FOXK1: variants seen among roughly 807,000 people sequenced by gnomAD.
FOXK1 encodes forkhead box protein K1.
Under a neutral mutation model 51.9 loss-of-function variants are expected in FOXK1, and 19 were observed. That is an observed-to-expected ratio of 0.37 (90% CI 0.26 to 0.54). The LOEUF (loss-of-function observed/expected upper bound fraction) is 0.54, where lower values mean the gene tolerates loss of function less well. Among genes scored for constraint, FOXK1 ranks in the 20% least tolerant of loss-of-function variants. The pLI, the probability that FOXK1 is intolerant of heterozygous loss-of-function variation, is 0.87. For missense variants in FOXK1, 870 were observed against 1,032.7 expected (o/e 0.84, Z 2.16); for synonymous variants, 537 against 482.6 (o/e 1.11, Z -1.48).
At position 4,715,599 on chromosome 7, in the gene FOXK1, C is replaced by T. The variant is rs557892577; in HGVS notation, c.561-25239C>T. 6.6e-6 allele frequency among the ~76,000 whole-genome samples: 1 copy of T among 152,176 alleles called. No individual in the cohort carries two copies. The highest frequency in any genetic ancestry group is 1.5e-5 in the Non-Finnish European group (1 of 68,030). ...AATGAATAGGATATTTTGAAATGCT[C>T]TGGTGTTGTGAAATACGGAACTTGG... On this transcript the variant is annotated intron_variant, in intron 1 of 8. Transcript: ENST00000328914. The surrounding 1 kb of genome is among the most constrained non-coding windows in gnomAD (Gnocchi z 4.5).
At chr7:4,757,266 C>T (rs1780865272) in intron 5 of FOXK1, 79 bp downstream of exon 5, 1 of 1,290,792 alleles carries the variant, frequency 7.7e-7, no homozygotes, top group African/African-American at 1.5e-5. Context: ...GTGGCGCAGT[C>T]AGCCCTCCGG....
At chr7:4,754,236 C>A (rs1485083026) in intron 2 of FOXK1, among the ~76,000 whole-genome samples, 1 of 152,234 alleles carries the variant, frequency 6.6e-6, no homozygotes, top group African/African-American at 2.4e-5. Context: ...GTGCTCTCAG[C>A]CCCCGAGCAG....
At position 4,745,702 on chromosome 7, in the gene FOXK1, G is replaced by A. The variant is rs113821053; in HGVS notation, c.746+4679G>A. ...GCGGATCACCTGAGGTCAGGAGTTC[G>A]AGACCAGCCTGGTCAACATTGTGAA... On this transcript the variant is annotated intron_variant, in intron 2 of 8. Coordinates refer to ENST00000328914, the MANE Select transcript of FOXK1 (RefSeq NM_001037165.2). This position sits in a 1 kb window ranked among gnomAD's most constrained non-coding sequence, Gnocchi z 4.3. Among the ~76,000 whole-genome samples the A allele has an allele frequency of 5.3e-4, 81 of 152,086 alleles. No homozygotes were observed. The highest frequency in any genetic ancestry group is 1.9e-3 in the African/African-American group (78 of 41,460).
chr7:4,724,871 C>T (rs1029217565), intron 1 of FOXK1, among the ~76,000 whole-genome samples: 5 of 152,232 alleles, frequency 3.3e-5, no homozygotes, highest in Admixed American at 6.5e-5. Context: ...AGGGCTGTGC[C>T]GTAGGCCACA....
chr7:4,689,876 G>A (rs1186713634), intron 1 of FOXK1, among the ~76,000 whole-genome samples: 2 of 152,164 alleles, frequency 1.3e-5, no homozygotes, highest in Non-Finnish European at 2.9e-5. Flanking sequence ...AGGTGACCCA[G>A]CGCCTGGGTG....
chr7:4,749,645 G>A lies in FOXK1; in HGVS notation c.747-4814G>A, dbSNP rs1188243652. ...ATCAGGTCCCTTCTGACAGAGCACTGTCCTCCCTGGGCCTGCCGGAAGCGA... is the reference window on the plus strand; with the variant it reads ...ATCAGGTCCCTTCTGACAGAGCACTATCCTCCCTGGGCCTGCCGGAAGCGA... On this transcript the variant is annotated intron_variant, in intron 2 of 8. Transcript: ENST00000328914. The surrounding 1 kb of genome is among the most constrained non-coding windows in gnomAD (Gnocchi z 6.0). Among the ~76,000 whole-genome samples, 1 of 152,184 alleles carries A rather than the reference G, an allele frequency of 6.6e-6. No individual in the cohort carries two copies. The highest frequency in any genetic ancestry group is 1.5e-5 in the Non-Finnish European group (1 of 68,028).
At chr7:4,701,719 G>C (rs910816423) in intron 1 of FOXK1, among the ~76,000 whole-genome samples, 4 of 152,130 alleles carry the variant, frequency 2.6e-5, no homozygotes, top group South Asian at 2.1e-4. Flanking sequence ...CGGTGAAACC[G>C]TGTCTCTACT....
At chr7:4,693,612 G>A (rs1025034998) in intron 1 of FOXK1, among the ~76,000 whole-genome samples, 17 of 152,196 alleles carry the variant, frequency 1.1e-4, no homozygotes, top group African/African-American at 3.9e-4. Context: ...GGTGCCCTTG[G>A]CCTTTCAGCC....
intron 5 of FOXK1, 46 bp downstream of exon 5, chr7:4,757,233 G>A: frequency 6.5e-7 from 1 of 1,527,148 alleles, no homozygotes; most frequent in African/African-American, 1.4e-5. Flanking sequence ...GGAAAGCTGA[G>A]CTGCCCTGGA....
At position 4,759,366 on chromosome 7, in the gene FOXK1, C is replaced by A. The variant is rs1206187751; in HGVS notation, c.1467C>A (p.Ser489Arg). The change falls in exon 7 of 9, where the codon AGC becomes AGA. Residue 489 changes from serine (S) to arginine (R), a missense_variant. Transcript: ENST00000328914. ...TGGCCGTGCCTCCCCGACCGTCCAG[C>A]CTCGTGGCCAAGCCCGTGGCCTACA... ...VIMAVPPRPSSLVAKPVAYMP... is the reference protein window; with the variant it reads ...VIMAVPPRPSRLVAKPVAYMP... 2 of 1,602,450 alleles carry A rather than the reference C, an allele frequency of 1.2e-6. No individual in the cohort carries two copies. Among genetic ancestry groups the A allele is most frequent in the Admixed American group, 1.7e-5 (1 of 59,892 alleles).
At position 4,765,862 on chromosome 7, in the gene FOXK1, G is replaced by A. The variant is rs929724988; in HGVS notation, c.*3398G>A. ...CAAAGGCATCCACCGAGGCCATTTG[G>A]TGGCCCCTGGGAAGTGGGGAAGCAG... On this transcript the variant is annotated 3_prime_UTR_variant, in exon 9 of 9. Coordinates refer to ENST00000328914, the MANE Select transcript of FOXK1 (RefSeq NM_001037165.2). 6.6e-6 allele frequency: 1 copy of A among 152,260 alleles called. No individual in the cohort carries two copies. The highest frequency in any genetic ancestry group is 2.4e-5 in the African/African-American group (1 of 41,458). The allele number at this position is 152,260 out of a possible 1,614,324, so 9.4% of individuals were successfully genotyped here.
chr7:4,715,002 A>G lies in FOXK1; in HGVS notation c.561-25836A>G, dbSNP rs1780216713. ...GTTCTGCATCTTTTTCTTGGTACAG[A>G]ACAGAAGCCACACACCAGCGACAAT... On this transcript the variant is annotated intron_variant, in intron 1 of 8. Transcript: ENST00000328914. The surrounding 1 kb of genome is among the most constrained non-coding windows in gnomAD (Gnocchi z 4.5). 1.3e-5 allele frequency among the ~76,000 whole-genome samples: 2 copies of G among 152,132 alleles called. No homozygotes were observed. The highest frequency in any genetic ancestry group is 2.9e-5 in the Non-Finnish European group (2 of 68,038).
chr7:4,725,916 A>T (rs76822918), intron 1 of FOXK1, among the ~76,000 whole-genome samples: 5,917 of 152,164 alleles, frequency 0.039, 198 homozygotes, highest in Middle Eastern at 0.092. Flanking sequence ...GATTCCCCAT[A>T]TTAGGAAGGT....
intron 1 of FOXK1, among the ~76,000 whole-genome samples, chr7:4,692,520 C>T (rs544974620): frequency 1.4e-4 from 22 of 152,260 alleles, no homozygotes; most frequent in African/African-American, 5.3e-4. Context: ...CTCAGCCTCC[C>T]GAGTAGCTGG....
In FOXK1 at chr7:4,716,157, G is replaced by A. The variant is rs533203575; in HGVS notation, c.561-24681G>A. Among the ~76,000 whole-genome samples the A allele has an allele frequency of 2.0e-5, 3 of 151,854 alleles. No individual in the cohort carries two copies. In the South Asian group the frequency reaches 6.2e-4, roughly 32 times the overall value. On this transcript the variant is annotated intron_variant, in intron 1 of 8. Transcript: ENST00000328914. ...AATTGCTTGAATCCAGAAGGCAGAGGCTACAGTGAGTTGAGATTGCGCCTC... is the reference window on the plus strand; with the variant it reads ...AATTGCTTGAATCCAGAAGGCAGAGACTACAGTGAGTTGAGATTGCGCCTC...
Position 4,759,089 on chromosome 7 carries a change from C to A in FOXK1, c.1283C>A (p.Ser428Tyr). Residue 428 changes from serine (S) to tyrosine (Y), a missense_variant, in exon 6 of 9, where the codon TCC becomes TAC. By Grantham distance (144) the Ser-to-Tyr change is moderately radical. Around this residue, in one of 3 missense-constraint regions of FOXK1, gnomAD observed 457 missense variants for 510.8 expected, o/e 0.89. Transcript: ENST00000328914. ...PASPTHPGLM[S>Y]PRSGGLQTPE... Reference sequence around the variant, plus strand: ...TCGCCCACACACCCCGGGCTGATGTCCCCTCGCTCCGGCGGCCTGCAGACC... The same window carrying A: ...TCGCCCACACACCCCGGGCTGATGTACCCTCGCTCCGGCGGCCTGCAGACC... 6.2e-7 allele frequency: 1 copy of A among 1,609,970 alleles called. No individual in the cohort carries two copies. Among genetic ancestry groups the A allele is most frequent in the Non-Finnish European group, 8.5e-7 (1 of 1,179,356 alleles).
In FOXK1 at chr7:4,703,166, C is replaced by T. The variant is rs185406984; in HGVS notation, c.560+20298C>T. ...CTCTCTCAGGGGATTCCAGGGCAGG[C>T]GGCTGGGAGGGCGTTTCTGAGGAAG... On this transcript the variant is annotated intron_variant, in intron 1 of 8. Transcript: ENST00000328914. This position sits in a 1 kb window ranked among gnomAD's most constrained non-coding sequence, Gnocchi z 5.6. 6.6e-6 allele frequency among the ~76,000 whole-genome samples: 1 copy of T among 152,122 alleles called. No homozygotes were observed. Among genetic ancestry groups the T allele is most frequent in the Non-Finnish European group, 1.5e-5 (1 of 67,980 alleles).
chr7:4,756,298 A>G lies in FOXK1; in HGVS notation c.1051-696A>G, dbSNP rs1398879054. Among the ~76,000 whole-genome samples the G allele has an allele frequency of 6.6e-6, 1 of 151,960 alleles. No homozygotes were observed. Among genetic ancestry groups the G allele is most frequent in the Non-Finnish European group, 1.5e-5 (1 of 67,992 alleles). ...CCTGGCTATTTTTTGTATTTTTAGT[A>G]GAGATGGGGTTTCACCATGTTGCCC... On this transcript the variant is annotated intron_variant, in intron 4 of 8. Coordinates refer to ENST00000328914, the MANE Select transcript of FOXK1 (RefSeq NM_001037165.2). This position sits in a 1 kb window ranked among gnomAD's most constrained non-coding sequence, Gnocchi z 4.1.
At position 4,683,245 on chromosome 7, in the gene FOXK1, T is replaced by TA. The variant is rs1214739235; in HGVS notation, c.560+378dup. Among the ~76,000 whole-genome samples, 3 of 147,012 alleles carry TA rather than the reference T, an allele frequency of 2.0e-5. No individual in the cohort carries two copies. The highest frequency in any genetic ancestry group is 3.0e-5 in the Non-Finnish European group (2 of 66,818). On this transcript the variant is annotated intron_variant, in intron 1 of 8. Coordinates refer to ENST00000328914, the MANE Select transcript of FOXK1 (RefSeq NM_001037165.2). The surrounding 1 kb of genome is among the most constrained non-coding windows in gnomAD (Gnocchi z 4.5). The stretch of plus-strand genomic sequence containing the variant: ...CGGCCTGGGCTCCTGGAGCCACCCA[T>TA]ACCCCAAGCCCATCTGGCTGGGCCT...
Sources: allele counts gnomAD v4.1 joint callset (sites outside exome capture counted in the v4.1 genomes callset), GRCh38; gene constraint gnomAD v4.1.1; regional missense constraint gnomAD v4.1.1; non-coding constraint Gnocchi (gnomAD v3.1); transcripts MANE v1.5; gene names NCBI Gene and HGNC (gene_info 2026-07-23, HGNC 2026-07-21).